Variants in KLHL20 observed in about 807,000 individuals in gnomAD.
KLHL20 encodes the protein kelch-like protein 20.
Under a neutral mutation model 69.5 loss-of-function variants are expected in KLHL20, and 29 were observed. That is an observed-to-expected ratio of 0.42 (90% CI 0.31 to 0.57). The LOEUF (loss-of-function observed/expected upper bound fraction) is 0.57, where lower values mean the gene tolerates loss of function less well. Among genes scored for constraint, KLHL20 ranks in the 20% least tolerant of loss-of-function variants. KLHL20 has a pLI of 0.18. For missense variants in KLHL20, 419 were observed against 776.0 expected, an observed-to-expected ratio of 0.54 and a Z score of 5.47; for synonymous variants, 253 against 265.2, an observed-to-expected ratio of 0.95 and a Z score of 0.45.
In KLHL20 at chr1:173,728,320, A is replaced by G. The variant is rs557525413; in HGVS notation, c.24-5393A>G. On this transcript the variant is annotated intron_variant, in intron 2 of 11. Transcript: ENST00000209884. ...GAGACTTTAACACCCCACTGTCAAC[A>G]TTAGACAGATCAACGAGACAGAAAG... 3.8e-3 allele frequency among the ~76,000 whole-genome samples: 577 copies of G among 152,308 alleles called. 3 individuals carry two copies. Among genetic ancestry groups the G allele is most frequent in the Middle Eastern group, 0.014 (4 of 294 alleles).
chr1:173,731,721 G>A lies in KLHL20; in HGVS notation c.24-1992G>A, dbSNP rs1431529922. ...ATCACACACCAGGGCCTGTTGTGTT[G>A]GGGGAGGGGGGAGGGATAGCATTAG... On this transcript the variant is annotated intron_variant, in intron 2 of 11. Transcript: ENST00000209884. 4.3e-5 allele frequency among the ~76,000 whole-genome samples: 6 copies of A among 138,938 alleles called. No individual in the cohort carries two copies. In the South Asian group the frequency reaches 7.6e-4, roughly 18 times the overall value. The allele number at this position is 138,938 out of a possible 152,430, so 91.1% of individuals were successfully genotyped here.
chr1:173,770,172 G>T (rs1461602286), intron 8 of KLHL20, among the ~76,000 whole-genome samples: 1 of 152,032 alleles, frequency 6.6e-6, no homozygotes. Flanking sequence ...CACACCTACA[G>T]ATCAAAACCT....
chr1:173,778,770 G>C (rs1198051335), intron 10 of KLHL20, among the ~76,000 whole-genome samples: 1 of 152,064 alleles, frequency 6.6e-6, no homozygotes. Context: ...GTTCATAATA[G>C]CCTCTAATTA....
rs557513708 is a variant in KLHL20 at position 173,729,739 on chromosome 1, A to G, written c.24-3974A>G. ...GACGTATCTCAAAATAATAAGATCT[A>G]TGACAAACCCACAGCCAATATCATA... is the stretch of plus-strand genomic sequence containing the variant. On this transcript the variant is annotated intron_variant, in intron 2 of 11. Transcript: ENST00000209884. Among the ~76,000 whole-genome samples, 42 of 152,302 alleles carry G rather than the reference A, an allele frequency of 2.8e-4. No homozygotes were observed. In the South Asian group the frequency reaches 8.5e-3, roughly 31 times the overall value.
intron 3 of KLHL20, among the ~76,000 whole-genome samples, chr1:173,737,057 C>G (rs1364182597): frequency 1.3e-5 from 2 of 152,146 alleles, no homozygotes; most frequent in African/African-American, 4.8e-5. Flanking sequence ...CTTTAGCCCA[C>G]TTTTTGATGG....
chr1:173,729,723 C>G (rs980010357), intron 2 of KLHL20, among the ~76,000 whole-genome samples: 2 of 152,046 alleles, frequency 1.3e-5, no homozygotes, highest in Non-Finnish European at 2.9e-5. Flanking sequence ...GGACGTATCT[C>G]AAAATAATAA....
At chr1:173,774,991 A>C (rs1355282044) in intron 9 of KLHL20, among the ~76,000 whole-genome samples, 1 of 152,032 alleles carries the variant, frequency 6.6e-6, no homozygotes, top group East Asian at 1.9e-4. Flanking sequence ...TTGTATTTTT[A>C]GTAGAGATGG....
chr1:173,780,514 C>G (rs1039641504), intron 10 of KLHL20, among the ~76,000 whole-genome samples: 4 of 152,108 alleles, frequency 2.6e-5, no homozygotes, highest in Admixed American at 6.6e-5. Context: ...GGTGCGGTGG[C>G]TCATGCCTGT....
At chr1:173,784,239 G>C (rs979958049) in intron 11 of KLHL20, among the ~76,000 whole-genome samples, 3 of 152,158 alleles carry the variant, frequency 2.0e-5, no homozygotes, top group Non-Finnish European at 2.9e-5. Context: ...TGTTTTTAAA[G>C]GTGTTCAGGG....
At chr1:173,726,437 G>A (rs1275517916) in intron 2 of KLHL20, among the ~76,000 whole-genome samples, 1 of 152,076 alleles carries the variant, frequency 6.6e-6, no homozygotes, top group South Asian at 2.1e-4. Flanking sequence ...ATCTGAAAAC[G>A]GACAGACTGC....
chr1:173,737,495 A>G (rs769882980), intron 3 of KLHL20, among the ~76,000 whole-genome samples: 2 of 152,052 alleles, frequency 1.3e-5, no homozygotes, highest in Non-Finnish European at 2.9e-5. Flanking sequence ...TCCCCACATT[A>G]TGTTTTTGTT....
Position 173,766,308 on chromosome 1 carries a change from C to A in KLHL20, c.1295+19C>A. ...TTGAGAGGTGATCTTTTTTTTAAGT[C>A]ATTTTCCGTATTTTTATTTTAAAGA... On this transcript the variant is annotated intron_variant, in intron 8 of 11. Transcript: ENST00000209884. The A allele has an allele frequency of 1.3e-6, 2 of 1,562,802 alleles. No individual in the cohort carries two copies. The highest frequency in any genetic ancestry group is 1.7e-6 in the Non-Finnish European group (2 of 1,160,784).
At chr1:173,754,067 G>C (rs1021582311) in intron 5 of KLHL20, among the ~76,000 whole-genome samples, 1 of 152,036 alleles carries the variant, frequency 6.6e-6, no homozygotes, top group African/African-American at 2.4e-5. Flanking sequence ...ACCTCCCTTG[G>C]TGATTAAAGA....
chr1:173,733,143 C>G (rs948482274), intron 2 of KLHL20, among the ~76,000 whole-genome samples: 1 of 151,558 alleles, frequency 6.6e-6, no homozygotes, highest in South Asian at 2.1e-4. Context: ...CTTCAGCCAC[C>G]CAAGCAGCTG....
chr1:173,737,410 A>G (rs1021130002), intron 3 of KLHL20, among the ~76,000 whole-genome samples: 1 of 152,220 alleles, frequency 6.6e-6, no homozygotes, highest in African/African-American at 2.4e-5. Context: ...AAGGTGAGAG[A>G]TGAAGATTCA....
At chr1:173,718,777 C>T (rs191491822) in intron 2 of KLHL20, among the ~76,000 whole-genome samples, 1 of 152,216 alleles carries the variant, frequency 6.6e-6, no homozygotes, top group Admixed American at 6.5e-5. Flanking sequence ...GTCAGTATAT[C>T]ATGCACATTC....
intron 6 of KLHL20, among the ~76,000 whole-genome samples, chr1:173,756,681 C>T (rs1013552500): frequency 6.6e-6 from 1 of 152,220 alleles, no homozygotes; most frequent in Non-Finnish European, 1.5e-5. Context: ...CCATTCTATG[C>T]ATATCCATCT....
intron 2 of KLHL20, among the ~76,000 whole-genome samples, chr1:173,731,408 A>G (rs576988783): frequency 3.9e-5 from 6 of 152,324 alleles, no homozygotes; most frequent in South Asian, 2.1e-4. Flanking sequence ...CTATAAAGAC[A>G]CATGCACACG....
chr1:173,757,410 T>C (rs367761288), intron 7 of KLHL20, among the ~76,000 whole-genome samples: 3 of 152,170 alleles, frequency 2.0e-5, no homozygotes, highest in South Asian at 4.1e-4. Flanking sequence ...TGCAGTTCCT[T>C]GGACATGCTG....
Sources: allele counts gnomAD v4.1 joint callset (sites outside exome capture counted in the v4.1 genomes callset), GRCh38; gene constraint gnomAD v4.1.1; transcripts MANE v1.5; gene names NCBI Gene and HGNC (gene_info 2026-07-23, HGNC 2026-07-21).